The following GRAMD1B variants were observed in gnomAD, a reference collection of about 807,000 sequenced individuals.
GRAMD1B encodes protein Aster-B.
Under a neutral mutation model 99.7 loss-of-function variants are expected in GRAMD1B, and 37 were observed. That is an observed-to-expected ratio of 0.37 (90% CI 0.29 to 0.49). The LOEUF (loss-of-function observed/expected upper bound fraction) is 0.49, where lower values mean the gene tolerates loss of function less well. Ranked by LOEUF, GRAMD1B falls within the 20% of genes least tolerant of loss-of-function variation. GRAMD1B has a pLI of 0.98. For missense variants in GRAMD1B, 888 were observed against 1,009.2 expected, an observed-to-expected ratio of 0.88 and a Z score of 1.63; for synonymous variants, 427 against 387.6, an observed-to-expected ratio of 1.10 and a Z score of -1.19.
At chr11:123,453,944 C>T (rs1271246364) in intron 1 of GRAMD1B, among the ~76,000 whole-genome samples, 1 of 152,216 alleles carries the variant, frequency 6.6e-6, no homozygotes, top group Non-Finnish European at 1.5e-5. Context: ...TCTTCCAAGG[C>T]TCTGTATCTT....
At chr11:123,432,252 G>C (rs533965775) in intron 1 of GRAMD1B, 30 of 387,144 alleles carry the variant, frequency 7.7e-5, no homozygotes, top group African/African-American at 5.8e-4. Context: ...GAAGATGAGG[G>C]GAGGCTTGTA....
At chr11:123,541,856 AAATT>A (rs1482089130) in intron 2 of GRAMD1B, among the ~76,000 whole-genome samples, 1 of 152,176 alleles carries the variant, frequency 6.6e-6, no homozygotes, top group East Asian at 1.9e-4. Flanking sequence ...GTGATTTTAA[AAATT>A]AATACATTAG....
chr11:123,600,191 G>A (rs546439917), intron 7 of GRAMD1B, among the ~76,000 whole-genome samples: 180 of 152,254 alleles, frequency 1.2e-3, no homozygotes, highest in Middle Eastern at 3.4e-3. Flanking sequence ...CATTTCTTAT[G>A]GAGATGAGAA....
intron 4 of GRAMD1B, among the ~76,000 whole-genome samples, chr11:123,590,380 A>T (rs939894927): frequency 6.6e-6 from 1 of 152,102 alleles, no homozygotes; most frequent in Non-Finnish European, 1.5e-5. Context: ...CACATTTCAG[A>T]TTTCATCCTA....
chr11:123,452,499 A>T (rs745346089), intron 1 of GRAMD1B, among the ~76,000 whole-genome samples: 1 of 152,134 alleles, frequency 6.6e-6, no homozygotes, highest in Admixed American at 6.5e-5. Context: ...TACAAAAATT[A>T]GCCAGGCGTG....
At chr11:123,383,796 A>G (rs763217695) in intron 1 of GRAMD1B, among the ~76,000 whole-genome samples, 2 of 151,294 alleles carry the variant, frequency 1.3e-5, no homozygotes, top group Non-Finnish European at 2.9e-5. Context: ...ATGAATATAT[A>G]TATATATATA....
intron 2 of GRAMD1B, among the ~76,000 whole-genome samples, chr11:123,504,304 C>A (rs139534143): frequency 6.6e-6 from 1 of 152,140 alleles, no homozygotes; most frequent in African/African-American, 2.4e-5. Flanking sequence ...TTGTCCAGCC[C>A]GCAAGGACTT....
intron 1 of GRAMD1B, among the ~76,000 whole-genome samples, chr11:123,473,874 G>A (rs900655381): frequency 6.6e-6 from 1 of 152,186 alleles, no homozygotes; most frequent in African/African-American, 2.4e-5. Flanking sequence ...ATACCTGCTT[G>A]CCAGGTGGCA....
At chr11:123,566,220 C>T (rs1175743560) in intron 2 of GRAMD1B, among the ~76,000 whole-genome samples, 1 of 152,108 alleles carries the variant, frequency 6.6e-6, no homozygotes, top group African/African-American at 2.4e-5. Flanking sequence ...AACACAGGTG[C>T]ACAGAAAGAA....
intron 1 of GRAMD1B, among the ~76,000 whole-genome samples, chr11:123,468,051 A>G (rs1331441590): frequency 2.0e-5 from 3 of 151,918 alleles, no homozygotes; most frequent in Admixed American, 6.6e-5. Flanking sequence ...TTTAGTAGAG[A>G]CAGGGTTTCA....
chr11:123,613,881 G>T (rs1013311340), intron 16 of GRAMD1B, among the ~76,000 whole-genome samples: 5 of 152,182 alleles, frequency 3.3e-5, no homozygotes, highest in African/African-American at 1.2e-4. Flanking sequence ...ATTAACAAAA[G>T]CTGCCTTAGT....
intron 1 of GRAMD1B, among the ~76,000 whole-genome samples, chr11:123,476,128 G>A (rs1356294280): frequency 2.7e-5 from 4 of 150,568 alleles, no homozygotes; most frequent in African/African-American, 7.3e-5. Flanking sequence ...TTTTTGAGAC[G>A]GAGTCTCTGT....
At chr11:123,413,762 A>G (rs1948132340) in intron 1 of GRAMD1B, among the ~76,000 whole-genome samples, 1 of 152,072 alleles carries the variant, frequency 6.6e-6, no homozygotes, top group African/African-American at 2.4e-5. Flanking sequence ...GCACAGAGCA[A>G]GCTCCCGATG....
rs1955545740 is a variant in GRAMD1B at position 123,627,223 on chromosome 11, G to T, written c.*4628G>T. On this transcript the variant is annotated 3_prime_UTR_variant, in exon 20 of 20. Transcript: ENST00000635736. ...TAAGACATTGCAGAAGCAAAAGGGT[G>T]GCCTCTGCTCCAGGCAAGGCAGCTG... The T allele has an allele frequency of 6.6e-6, 1 of 152,280 alleles. No individual in the cohort carries two copies. 9.4% of individuals were successfully genotyped at this position (152,280 alleles called of 1,614,324 possible). A position where few individuals can be genotyped will look rare whatever the true frequency, so the allele number is the denominator to read the frequency against.
chr11:123,564,807 T>C (rs1164200240), intron 2 of GRAMD1B, among the ~76,000 whole-genome samples: 1 of 152,222 alleles, frequency 6.6e-6, no homozygotes, highest in Non-Finnish European at 1.5e-5. Context: ...CTGGAAGTTC[T>C]ATTCAGTTGA....
chr11:123,388,548 C>A (rs1052043855), intron 1 of GRAMD1B, among the ~76,000 whole-genome samples: 1 of 152,048 alleles, frequency 6.6e-6, no homozygotes. Flanking sequence ...GTGGCACATA[C>A]CTGTAGTCCC....
intron 16 of GRAMD1B, among the ~76,000 whole-genome samples, chr11:123,614,291 C>T (rs1406079015): frequency 6.6e-6 from 1 of 152,126 alleles, no homozygotes; most frequent in Non-Finnish European, 1.5e-5. Context: ...TTACCCCTAG[C>T]ACTTCCATGT....
chr11:123,596,586 G>A (rs1158763038), intron 7 of GRAMD1B, among the ~76,000 whole-genome samples: 1 of 152,234 alleles, frequency 6.6e-6, no homozygotes, highest in Admixed American at 6.5e-5. Context: ...TTCAAGGCTA[G>A]GGGTAGACTG....
intron 14 of GRAMD1B, 63 bp from the exon 15 acceptor site, chr11:123,612,698 T>C (rs957638370): frequency 1.2e-5 from 11 of 914,776 alleles, no homozygotes; most frequent in African/African-American, 9.8e-5. Flanking sequence ...CGAATTTCCC[T>C]TTTCCCAGCA....
Sources: allele counts gnomAD v4.1 joint callset (sites outside exome capture counted in the v4.1 genomes callset), GRCh38; gene constraint gnomAD v4.1.1; transcripts MANE v1.5; gene names NCBI Gene and HGNC (gene_info 2026-07-23, HGNC 2026-07-21).